The following CDH2 variants were observed in gnomAD, a reference collection of about 807,000 sequenced individuals.
CDH2 encodes the protein cadherin 2.
A neutral mutation model predicts 92.0 loss-of-function variants in CDH2; 17 were observed. That is an observed-to-expected ratio of 0.18 (90% CI 0.13 to 0.28). CDH2 has a LOEUF of 0.28. CDH2 is among the 10% of genes least tolerant of loss of function. CDH2 has a pLI of 1.00. For synonymous variants in CDH2, 419 were observed against 415.9 expected, an observed-to-expected ratio of 1.01 and a Z score of -0.09; for missense variants, 862 against 1,133.1, an observed-to-expected ratio of 0.76 and a Z score of 3.44.
At chr18:27,945,276 T>A (rs1361991307) in intron 6 of CDH2, among the ~76,000 whole-genome samples, 3 of 148,684 alleles carry the variant, frequency 2.0e-5, no homozygotes, top group Non-Finnish European at 4.5e-5. Context: ...CCCCTCTGAG[T>A]CCTTTCATAA....
At chr18:28,085,241 T>C (rs1248320760) in intron 2 of CDH2, among the ~76,000 whole-genome samples, 1 of 152,120 alleles carries the variant, frequency 6.6e-6, no homozygotes, top group Admixed American at 6.6e-5. Flanking sequence ...GGCCTTATCT[T>C]AGTGTTCGCA....
chr18:28,072,929 T>C (rs1254301766), intron 2 of CDH2, among the ~76,000 whole-genome samples: 3 of 144,080 alleles, frequency 2.1e-5, no homozygotes, highest in Admixed American at 6.8e-5. Flanking sequence ...TGTAGATCTA[T>C]ATACACACAT....
At chr18:28,049,386 C>G (rs999656351) in intron 2 of CDH2, among the ~76,000 whole-genome samples, 2 of 152,122 alleles carry the variant, frequency 1.3e-5, no homozygotes, top group African/African-American at 4.8e-5. Flanking sequence ...GCTCCTGAAA[C>G]ACTACCTTCT....
intron 6 of CDH2, among the ~76,000 whole-genome samples, chr18:27,933,200 G>A (rs1366096040): frequency 6.6e-6 from 1 of 151,988 alleles, no homozygotes; most frequent in Admixed American, 6.6e-5. Context: ...TTAAACAGGA[G>A]GTATACTGAT....
intron 2 of CDH2, among the ~76,000 whole-genome samples, chr18:28,139,220 C>T (rs45457099): frequency 5.9e-5 from 9 of 152,006 alleles, no homozygotes; most frequent in Non-Finnish European, 1.0e-4. Flanking sequence ...TTTAAAACCT[C>T]CTTGATCTTA....
intron 2 of CDH2, among the ~76,000 whole-genome samples, chr18:28,140,793 T>C (rs548404836): frequency 6.6e-5 from 10 of 151,128 alleles, no homozygotes; most frequent in African/African-American, 2.4e-4. Context: ...AACGATCTAG[T>C]ATCCAGAATA....
intron 2 of CDH2, among the ~76,000 whole-genome samples, chr18:28,117,244 C>T (rs1020325733): frequency 6.6e-6 from 1 of 152,130 alleles, no homozygotes; most frequent in Non-Finnish European, 1.5e-5. Context: ...ATATACCAAT[C>T]TCAAATTAAA....
chr18:28,005,729 T>C (rs2144017338), intron 6 of CDH2, 120 bp downstream of exon 6: 1 of 647,560 alleles, frequency 1.5e-6, no homozygotes, highest in Non-Finnish European at 2.5e-6. Context: ...AAAAGCATTA[T>C]GAATGAAAGA....
At chr18:28,169,242 T>C (rs943293357) in intron 1 of CDH2, among the ~76,000 whole-genome samples, 5 of 152,134 alleles carry the variant, frequency 3.3e-5, no homozygotes, top group African/African-American at 1.2e-4. Context: ...TACTGACAAT[T>C]ACCAAATATA....
intron 6 of CDH2, among the ~76,000 whole-genome samples, chr18:27,945,323 A>ATTTTTTTTTTTTTTTTTTTTTTTTTTT (rs66537834): frequency 1.5e-5 from 1 of 66,460 alleles, no homozygotes; most frequent in African/African-American, 5.9e-5. Context: ...AGGAAGGAAG[A>ATTTTTTTTTTTTTTTTTTTTTTTTTTT]TTTTTTTTTT....
chr18:28,092,548 A>T (rs1051376715), intron 2 of CDH2, among the ~76,000 whole-genome samples: 1 of 151,450 alleles, frequency 6.6e-6, no homozygotes. Context: ...AGAAGAGAGA[A>T]AAAAAAAACA....
intron 2 of CDH2, among the ~76,000 whole-genome samples, chr18:28,119,186 T>C (rs555161999): frequency 2.0e-5 from 3 of 152,244 alleles, no homozygotes; most frequent in East Asian, 3.9e-4. Context: ...AAACTTTTCC[T>C]GTGACTCGGA....
intron 2 of CDH2, among the ~76,000 whole-genome samples, chr18:28,014,816 G>C (rs1237853877): frequency 6.6e-6 from 1 of 151,724 alleles, no homozygotes; most frequent in Non-Finnish European, 1.5e-5. Context: ...ATGAACTTGT[G>C]TAGAACTAGA....
At chr18:28,043,780 G>A (rs74549239) in intron 2 of CDH2, among the ~76,000 whole-genome samples, 4 of 151,424 alleles carry the variant, frequency 2.6e-5, no homozygotes, top group East Asian at 3.9e-4. Context: ...ACCTAAAGGA[G>A]CTGGAGATGT....
chr18:28,146,489 A>T (rs745933825), intron 2 of CDH2: 1 of 152,136 alleles, frequency 6.6e-6, no homozygotes, highest in African/African-American at 2.4e-5. Context: ...TAACTCAAAC[A>T]TTCACCCATT....
intron 14 of CDH2, among the ~76,000 whole-genome samples, chr18:27,973,303 A>G (rs2011719627): frequency 6.6e-6 from 1 of 152,086 alleles, no homozygotes; most frequent in South Asian, 2.1e-4. Context: ...GGTTCTGAAA[A>G]CCTAGGCCAC....
chr18:28,175,131 G>C (rs1180523551), intron 1 of CDH2, among the ~76,000 whole-genome samples: 1 of 152,178 alleles, frequency 6.6e-6, no homozygotes, highest in African/African-American at 2.4e-5. Context: ...GGAGGTCAAA[G>C]AATGAGGAGT....
At chr18:28,148,318 A>G (rs1226178809) in intron 1 of CDH2, among the ~76,000 whole-genome samples, 1 of 152,222 alleles carries the variant, frequency 6.6e-6, no homozygotes, top group Non-Finnish European at 1.5e-5. Flanking sequence ...TCAAAACTAT[A>G]TATTTATTTC....
Position 28,041,384 on chromosome 18 carries a change from T to C in CDH2, c.173-27475A>G, listed in dbSNP as rs148641281. On this transcript the variant is annotated intron_variant, in intron 2 of 15. Transcript: ENST00000269141. Reference sequence around the variant, plus strand: ...CAAAACAAACAGAATTCAATTATTTTCTCATTGTAATCACATACGGCATTT... The same window carrying C: ...CAAAACAAACAGAATTCAATTATTTCCTCATTGTAATCACATACGGCATTT... 1.8e-3 allele frequency among the ~76,000 whole-genome samples: 271 copies of C among 152,328 alleles called. 2 individuals are homozygous for C. The highest frequency in any genetic ancestry group is 6.1e-3 in the African/African-American group (252 of 41,582).
Sources: allele counts gnomAD v4.1 joint callset (sites outside exome capture counted in the v4.1 genomes callset), GRCh38; gene constraint gnomAD v4.1.1; transcripts MANE v1.5; gene names NCBI Gene and HGNC (gene_info 2026-07-23, HGNC 2026-07-21).